NRXN3: variants seen among roughly 807,000 people sequenced by gnomAD.
The protein encoded by NRXN3 is neurexin 3.
A neutral mutation model predicts 137.6 loss-of-function variants in NRXN3; 32 were observed. That is an observed-to-expected ratio of 0.23 (90% CI 0.18 to 0.31). The LOEUF is 0.31. Ranked by LOEUF, NRXN3 falls within the 10% of genes least tolerant of loss-of-function variation. The pLI, the probability that NRXN3 is intolerant of heterozygous loss-of-function variation, is 1.00. For synonymous variants in NRXN3, 798 were observed against 784.5 expected (o/e 1.02, Z -0.29); for missense variants, 1,574 against 2,062.5 (o/e 0.76, Z 4.59).
At chr14:79,423,585 A>G (rs2095612894) in intron 15 of NRXN3, among the ~76,000 whole-genome samples, 1 of 152,192 alleles carries the variant, frequency 6.6e-6, no homozygotes, top group Non-Finnish European at 1.5e-5. Context: ...AACTGCTTTA[A>G]TGTGAATTGC....
intron 16 of NRXN3, among the ~76,000 whole-genome samples, chr14:79,637,257 C>A (rs1482473090): frequency 2.0e-5 from 3 of 152,076 alleles, no homozygotes; most frequent in Admixed American, 2.0e-4. Flanking sequence ...TGGAACATTG[C>A]CTTACACAGA....
At chr14:79,065,755 A>G (rs2099679994) in intron 15 of NRXN3, among the ~76,000 whole-genome samples, 1 of 152,028 alleles carries the variant, frequency 6.6e-6, no homozygotes, top group South Asian at 2.1e-4. Flanking sequence ...TGTTTTCGTG[A>G]CATTCTCTCT....
intron 14 of NRXN3, among the ~76,000 whole-genome samples, chr14:78,980,085 A>G (rs1162394317): frequency 6.6e-6 from 1 of 152,172 alleles, no homozygotes; most frequent in Non-Finnish European, 1.5e-5. Flanking sequence ...TACTATGATA[A>G]CTTCACATTT....
At chr14:78,907,849 G>A (rs531076994) in intron 10 of NRXN3, among the ~76,000 whole-genome samples, 7 of 152,018 alleles carry the variant, frequency 4.6e-5, no homozygotes, top group Non-Finnish European at 7.4e-5. Context: ...GTGTCCATGC[G>A]TTCTCATCAT....
At chr14:79,682,963 C>A (rs935051250) in intron 17 of NRXN3, among the ~76,000 whole-genome samples, 5 of 152,070 alleles carry the variant, frequency 3.3e-5, no homozygotes, top group Non-Finnish European at 5.9e-5. Context: ...ACTATGATGA[C>A]CAATGCAAAC....
At chr14:78,497,053 G>A (rs2095796843) in intron 4 of NRXN3, among the ~76,000 whole-genome samples, 1 of 152,078 alleles carries the variant, frequency 6.6e-6, no homozygotes, top group African/African-American at 2.4e-5. Flanking sequence ...ATCACTTGCT[G>A]CAAAACAGAC....
chr14:79,654,086 T>C (rs1410480004), intron 16 of NRXN3, among the ~76,000 whole-genome samples: 1 of 152,194 alleles, frequency 6.6e-6, no homozygotes, highest in Non-Finnish European at 1.5e-5. Flanking sequence ...CTGAGAATGT[T>C]ACATTTCTGG....
chr14:78,238,255 A>C (rs1442351374), intron 1 of NRXN3, among the ~76,000 whole-genome samples: 1 of 151,732 alleles, frequency 6.6e-6, no homozygotes, highest in East Asian at 2.0e-4. Flanking sequence ...ATTAGCTGAC[A>C]ATTAGATAAT....
At chr14:78,994,874 A>G (rs552450512) in intron 15 of NRXN3, among the ~76,000 whole-genome samples, 1 of 152,208 alleles carries the variant, frequency 6.6e-6, no homozygotes, top group East Asian at 1.9e-4. Flanking sequence ...TAGGACCTTT[A>G]TAAGGATATC....
intron 15 of NRXN3, among the ~76,000 whole-genome samples, chr14:79,148,562 G>A (rs2059515732): frequency 6.6e-6 from 1 of 152,090 alleles, no homozygotes; most frequent in Non-Finnish European, 1.5e-5. Flanking sequence ...TCTTCTTTCT[G>A]CTGACTTCAT....
chr14:78,721,219 C>G (rs534551884), intron 8 of NRXN3, among the ~76,000 whole-genome samples: 1 of 152,306 alleles, frequency 6.6e-6, no homozygotes, highest in Non-Finnish European at 1.5e-5. Flanking sequence ...GAAACCTGGG[C>G]TTCCAAGGTC....
chr14:78,272,293 T>G (rs1468891659), intron 2 of NRXN3, among the ~76,000 whole-genome samples: 5 of 152,166 alleles, frequency 3.3e-5, no homozygotes, highest in Non-Finnish European at 7.4e-5. Context: ...CAGCTTCTTC[T>G]TGGCCACTTT....
chr14:79,089,699 A>T (rs1168145158), intron 15 of NRXN3, among the ~76,000 whole-genome samples: 1 of 151,082 alleles, frequency 6.6e-6, no homozygotes, highest in African/African-American at 2.4e-5. Context: ...TTTTTTTCCC[A>T]TGGAGACGAT....
chr14:78,381,820 A>G (rs139479026), intron 4 of NRXN3, among the ~76,000 whole-genome samples: 39 of 152,336 alleles, frequency 2.6e-4, no homozygotes, highest in African/African-American at 9.1e-4. Context: ...TGAGTGAAAA[A>G]AGCCAATTCC....
At chr14:78,374,073 C>A (rs1468621139) in intron 4 of NRXN3, among the ~76,000 whole-genome samples, 1 of 152,170 alleles carries the variant, frequency 6.6e-6, no homozygotes, top group African/African-American at 2.4e-5. Flanking sequence ...CTAGGTCCGT[C>A]CTGGGTCCTA....
At chr14:78,209,755 G>C (rs918025423) in intron 1 of NRXN3, among the ~76,000 whole-genome samples, 1 of 152,140 alleles carries the variant, frequency 6.6e-6, no homozygotes, top group Non-Finnish European at 1.5e-5. Context: ...ATTTGGGTGA[G>C]GACACACAGC....
At chr14:79,631,552 G>A (rs1170235028) in intron 16 of NRXN3, among the ~76,000 whole-genome samples, 1 of 152,250 alleles carries the variant, frequency 6.6e-6, no homozygotes, top group Non-Finnish European at 1.5e-5. Context: ...GCTGATGCCT[G>A]CTGGGCTTGA....
In NRXN3 at chr14:79,433,605, A is replaced by T. The variant is rs190204337; in HGVS notation, c.3263-33616A>T. Reference sequence around the variant, plus strand: ...AAAAAGAAAAAAACTCACCAGTTTAAAGTGCTCGTTTCATATGTTCACGAT... The same window carrying T: ...AAAAAGAAAAAAACTCACCAGTTTATAGTGCTCGTTTCATATGTTCACGAT... On this transcript the variant is annotated intron_variant, in intron 15 of 20. Coordinates refer to ENST00000335750, the MANE Select transcript of NRXN3 (RefSeq NM_001330195.2). Among the ~76,000 whole-genome samples the T allele has an allele frequency of 9.0e-4, 137 of 152,310 alleles. 1 individual carries two copies. The highest frequency in any genetic ancestry group is 3.2e-3 in the African/African-American group (132 of 41,558).
At chr14:78,397,124 A>G (rs761722119) in intron 4 of NRXN3, among the ~76,000 whole-genome samples, 1 of 152,206 alleles carries the variant, frequency 6.6e-6, no homozygotes, top group Non-Finnish European at 1.5e-5. Flanking sequence ...AGTCCATAGC[A>G]TGTGCCATCA....
Sources: allele counts gnomAD v4.1 joint callset (sites outside exome capture counted in the v4.1 genomes callset), GRCh38; gene constraint gnomAD v4.1.1; transcripts MANE v1.5; gene names NCBI Gene and HGNC (gene_info 2026-07-23, HGNC 2026-07-21).